Variants in GRIK3 observed in about 807,000 individuals in gnomAD.
GRIK3 encodes glutamate ionotropic receptor kainate type subunit 3.
Under a neutral mutation model 102.5 loss-of-function variants are expected in GRIK3, and 29 were observed. That is an observed-to-expected ratio of 0.28 (90% CI 0.21 to 0.39). The LOEUF is 0.39. Among genes scored for constraint, GRIK3 ranks in the 10% least tolerant of loss-of-function variants. GRIK3 has a pLI of 1.00. For synonymous variants in GRIK3, 511 were observed against 504.9 expected (o/e 1.01, Z -0.16); for missense variants, 908 against 1,252.4 (o/e 0.73, Z 4.15).
intron 10 of GRIK3, 39 bp downstream of exon 10, chr1:36,841,697 C>A: frequency 6.4e-7 from 1 of 1,554,114 alleles, no homozygotes; most frequent in Non-Finnish European, 8.9e-7. Context: ...CAAGTCTCCC[C>A]AGGGTCCTGA....
intron 1 of GRIK3, among the ~76,000 whole-genome samples, chr1:36,958,029 A>G (rs1465143290): frequency 5.1e-5 from 5 of 98,174 alleles, no homozygotes; most frequent in South Asian, 4.2e-4. Context: ...TCTGTGCCCC[A>G]TGAGCCTGTG....
chr1:36,809,531 T>TGAATCACTCAG (rs1642539080), intron 13 of GRIK3, among the ~76,000 whole-genome samples: 1 of 152,056 alleles, frequency 6.6e-6, no homozygotes, highest in African/African-American at 2.4e-5. Context: ...AACTTGACAA[T>TGAATCACTCAG]GAATCACTCA....
intron 1 of GRIK3, among the ~76,000 whole-genome samples, chr1:37,030,743 A>ATAACAT (rs1440497873): frequency 3.3e-5 from 5 of 152,072 alleles, no homozygotes; most frequent in African/African-American, 1.2e-4. Flanking sequence ...ACATATGCCC[A>ATAACAT]TAACATGAGG....
At chr1:36,852,263 G>A (rs1274223263) in intron 8 of GRIK3, among the ~76,000 whole-genome samples, 1 of 152,196 alleles carries the variant, frequency 6.6e-6, no homozygotes. Flanking sequence ...ATGAGTAGGT[G>A]GGAAAGTCGG....
chr1:36,891,605 C>G (rs569097730), intron 1 of GRIK3, among the ~76,000 whole-genome samples: 44 of 152,282 alleles, frequency 2.9e-4, no homozygotes, highest in Non-Finnish European at 1.5e-5. Context: ...AGAAGAAATA[C>G]TTCCTTGAAA....
chr1:36,932,171 T>A (rs566804694), intron 1 of GRIK3, among the ~76,000 whole-genome samples: 1 of 152,320 alleles, frequency 6.6e-6, no homozygotes, highest in East Asian at 1.9e-4. Flanking sequence ...AATTCCGATG[T>A]TGACAATTTC....
chr1:36,990,977 C>T (rs1378260455), intron 1 of GRIK3, among the ~76,000 whole-genome samples: 1 of 152,172 alleles, frequency 6.6e-6, no homozygotes, highest in Non-Finnish European at 1.5e-5. Context: ...CAGGGCCCCA[C>T]CCCACCTGAC....
At chr1:36,970,488 C>T (rs969804881) in intron 1 of GRIK3, among the ~76,000 whole-genome samples, 32 of 152,178 alleles carry the variant, frequency 2.1e-4, no homozygotes, top group Admixed American at 1.1e-3. Flanking sequence ...CTCTTTTGCC[C>T]ACCATTGGAA....
intron 1 of GRIK3, among the ~76,000 whole-genome samples, chr1:36,922,524 G>A (rs1318372895): frequency 4.6e-5 from 7 of 152,186 alleles, no homozygotes; most frequent in East Asian, 3.9e-4. Flanking sequence ...CTCAGGACTC[G>A]TGGTTACATA....
chr1:36,936,861 A>G (rs1029094954), intron 1 of GRIK3, among the ~76,000 whole-genome samples: 4 of 151,796 alleles, frequency 2.6e-5, no homozygotes, highest in African/African-American at 9.7e-5. Flanking sequence ...AGGTAAATTC[A>G]GTAGATCTGG....
chr1:36,921,756 G>A (rs1208054715), intron 1 of GRIK3, among the ~76,000 whole-genome samples: 1 of 151,830 alleles, frequency 6.6e-6, no homozygotes, highest in Non-Finnish European at 1.5e-5. Context: ...TATTACTGTC[G>A]ATGTGTCTTA....
At chr1:36,935,079 C>G (rs1641640553) in intron 1 of GRIK3, among the ~76,000 whole-genome samples, 1 of 152,138 alleles carries the variant, frequency 6.6e-6, no homozygotes, top group Non-Finnish European at 1.5e-5. Flanking sequence ...GTTAATAACT[C>G]TATTCTGTTA....
At chr1:36,906,072 A>G (rs1641281031) in intron 1 of GRIK3, among the ~76,000 whole-genome samples, 1 of 152,150 alleles carries the variant, frequency 6.6e-6, no homozygotes, top group Admixed American at 6.6e-5. Context: ...CTCCATTAAT[A>G]CCCACTAATC....
At chr1:36,959,982 G>A (rs200720620) in intron 1 of GRIK3, among the ~76,000 whole-genome samples, 3,750 of 110,376 alleles carry the variant, frequency 0.034, 455 homozygotes, top group East Asian at 0.15. Flanking sequence ...TATGCCCCAT[G>A]AGCCTCTGTG....
intron 1 of GRIK3, among the ~76,000 whole-genome samples, chr1:36,893,635 G>T (rs935728746): frequency 3.3e-5 from 5 of 152,152 alleles, no homozygotes; most frequent in African/African-American, 1.2e-4. Context: ...ATGGACATTA[G>T]AAATTTACCA....
intron 1 of GRIK3, among the ~76,000 whole-genome samples, chr1:36,965,300 C>T (rs1479635108): frequency 2.0e-5 from 3 of 152,148 alleles, no homozygotes; most frequent in Non-Finnish European, 4.4e-5. Flanking sequence ...ATGACTCTTC[C>T]AAGTTGACCA....
In GRIK3 at chr1:36,819,171, A is replaced by G. The variant is rs1642669071; in HGVS notation, c.1873+565T>C. ...TTGAAGCACTCGGGCTGAAGTCCCC[A>G]ACTCAGCCATGATCCTTCCTACTCC... On this transcript the variant is annotated intron_variant, in intron 12 of 15. Coordinates refer to ENST00000373091, the MANE Select transcript of GRIK3 (RefSeq NM_000831.4). This position sits in a 1 kb window ranked among gnomAD's most constrained non-coding sequence, Gnocchi z 4.1. 6.6e-6 allele frequency among the ~76,000 whole-genome samples: 1 copy of G among 152,160 alleles called. No individual in the cohort carries two copies. The highest frequency in any genetic ancestry group is 2.4e-5 in the African/African-American group (1 of 41,434).
chr1:36,993,645 G>A (rs1161099631), intron 1 of GRIK3, among the ~76,000 whole-genome samples: 1 of 152,210 alleles, frequency 6.6e-6, no homozygotes, highest in Admixed American at 6.5e-5. Context: ...ACAAGTGTGA[G>A]GCAGAGAGGG....
At chr1:37,027,135 G>T (rs944941390) in intron 1 of GRIK3, among the ~76,000 whole-genome samples, 5 of 152,018 alleles carry the variant, frequency 3.3e-5, no homozygotes, top group Non-Finnish European at 5.9e-5. Context: ...AAGGTCAAAG[G>T]AAGCAAGGAG....
Sources: gnomAD v4.1 joint callset for allele counts (sites outside exome capture counted in the v4.1 genomes callset) on GRCh38, gnomAD v4.1.1 for gene constraint, Gnocchi (gnomAD v3.1) non-coding constraint, MANE v1.5 for transcripts, NCBI Gene and HGNC (gene_info 2026-07-23, HGNC 2026-07-21) for gene names.